The following TBC1D9 variants were observed in gnomAD, a reference collection of about 807,000 sequenced individuals.
TBC1D9 encodes TBC1 domain family member 9A.
A neutral mutation model predicts 132.0 loss-of-function variants in TBC1D9; 63 were observed. The ratio of observed to expected loss-of-function variants is 0.48; its 90% CI spans 0.39 to 0.59. The LOEUF is 0.59. Ranked by LOEUF, TBC1D9 falls within the 20% of genes least tolerant of loss-of-function variation. The pLI is 0.00. For missense variants in TBC1D9, 1,261 were observed against 1,592.7 expected, an observed-to-expected ratio of 0.79 and a Z score of 3.54; for synonymous variants, 610 against 609.9, an observed-to-expected ratio of 1.00 and a Z score of 0.00.
intron 13 of TBC1D9, among the ~76,000 whole-genome samples, chr4:140,650,247 T>C (rs1380146892): frequency 1.3e-5 from 2 of 152,268 alleles, no homozygotes; most frequent in Non-Finnish European, 2.9e-5. Context: ...GCCAGTAGGC[T>C]AGAAAGTCCA....
intron 13 of TBC1D9, among the ~76,000 whole-genome samples, chr4:140,656,808 G>A (rs1737278258): frequency 6.6e-6 from 1 of 152,156 alleles, no homozygotes; most frequent in Non-Finnish European, 1.5e-5. Flanking sequence ...ATGGATTAAT[G>A]GCACTATAAA....
intron 1 of TBC1D9, among the ~76,000 whole-genome samples, chr4:140,740,806 A>G (rs911671517): frequency 1.3e-5 from 2 of 152,196 alleles, no homozygotes; most frequent in Admixed American, 1.3e-4. Flanking sequence ...ATTTCATCCA[A>G]ATGAAAGTTC....
In TBC1D9 at chr4:140,657,819, C is replaced by T. The variant is rs781182148; in HGVS notation, c.1922-7G>A. ...CCTTGGTCCACCAGTGCACCTGTGGCAGCGATGTATACAAAAAGGCGCAGC... is the reference window on the plus strand; with the variant it reads ...CCTTGGTCCACCAGTGCACCTGTGGTAGCGATGTATACAAAAAGGCGCAGC... On this transcript the variant is annotated splice_polypyrimidine_tract_variant and splice_region_variant and intron_variant, in intron 11 of 20. Transcript: ENST00000442267. The T allele has an allele frequency of 5.6e-6, 9 of 1,606,928 alleles. No homozygotes were observed. Among genetic ancestry groups the T allele is most frequent in the South Asian group, 1.1e-5 (1 of 89,510 alleles).
chr4:140,688,820 G>C (rs1282579262), intron 2 of TBC1D9, among the ~76,000 whole-genome samples: 2 of 152,050 alleles, frequency 1.3e-5, no homozygotes, highest in Admixed American at 1.3e-4. Flanking sequence ...AAATATTTAG[G>C]GAATGAGTCA....
At chr4:140,712,010 T>C (rs1030953847) in intron 1 of TBC1D9, among the ~76,000 whole-genome samples, 8 of 152,184 alleles carry the variant, frequency 5.3e-5, no homozygotes, top group Admixed American at 1.3e-4. Context: ...CAACCTTTTA[T>C]TTTGGGCTTT....
chr4:140,745,909 A>G (rs528431432), intron 1 of TBC1D9, among the ~76,000 whole-genome samples: 3 of 152,186 alleles, frequency 2.0e-5, no homozygotes, highest in African/African-American at 7.2e-5. Flanking sequence ...GGCTTCATGA[A>G]TATCACTTTG....
chr4:140,628,870 CTAAG>C (rs775271689), intron 16 of TBC1D9, among the ~76,000 whole-genome samples: 2 of 152,160 alleles, frequency 1.3e-5, no homozygotes, highest in Non-Finnish European at 2.9e-5. Context: ...TTTTGAGCTC[CTAAG>C]TATTTCCTTA....
At chr4:140,678,890 A>G in intron 5 of TBC1D9, 52 bp downstream of exon 5, 1 of 1,578,752 alleles carries the variant, frequency 6.3e-7, no homozygotes, top group Non-Finnish European at 8.6e-7. Flanking sequence ...TAAATGAATG[A>G]GTGAGTTTCT....
At chr4:140,624,509 A>C in intron 18 of TBC1D9, 121 bp from the exon 19 acceptor site, 1 of 767,600 alleles carries the variant, frequency 1.3e-6, no homozygotes, top group Non-Finnish European at 2.0e-6. Context: ...GCAAACAAAC[A>C]AACAAAAAAA....
chr4:140,741,933 C>A (rs1270998951), intron 1 of TBC1D9, among the ~76,000 whole-genome samples: 1 of 152,144 alleles, frequency 6.6e-6, no homozygotes, highest in African/African-American at 2.4e-5. Context: ...GACCTGGAAG[C>A]CCCCTCCCTT....
At chr4:140,701,303 G>T (rs1257113224) in intron 2 of TBC1D9, among the ~76,000 whole-genome samples, 1 of 152,192 alleles carries the variant, frequency 6.6e-6, no homozygotes, top group East Asian at 1.9e-4. Context: ...ATCCCAACAC[G>T]ACTCTATCAG....
intron 2 of TBC1D9, among the ~76,000 whole-genome samples, chr4:140,688,864 C>G (rs1448283928): frequency 6.6e-6 from 1 of 152,160 alleles, no homozygotes; most frequent in Non-Finnish European, 1.5e-5. Context: ...ATATTTTAAA[C>G]TTAAAAATTT....
chr4:140,667,174 C>T (rs919152540), intron 9 of TBC1D9, among the ~76,000 whole-genome samples: 11 of 152,286 alleles, frequency 7.2e-5, no homozygotes, highest in Middle Eastern at 3.4e-3. Context: ...GGCCTTCAGG[C>T]GAACCCCATT....
At chr4:140,732,946 A>C (rs1738617332) in intron 1 of TBC1D9, among the ~76,000 whole-genome samples, 1 of 152,212 alleles carries the variant, frequency 6.6e-6, no homozygotes, top group East Asian at 1.9e-4. Flanking sequence ...ATAGCTTCTG[A>C]CTACTGATTT....
intron 13 of TBC1D9, among the ~76,000 whole-genome samples, chr4:140,652,414 G>C (rs1479896310): frequency 1.3e-5 from 2 of 152,082 alleles, no homozygotes; most frequent in Non-Finnish European, 2.9e-5. Flanking sequence ...TGTACTTCAA[G>C]AAGAATGCTC....
rs573999480 is a variant in TBC1D9, at chr4:140,669,017, A to G, written c.1488T>C (p.Tyr496=). 9.9e-6 allele frequency: 16 copies of G among 1,614,022 alleles called. No homozygotes were observed. In the African/African-American group the frequency reaches 1.1e-4, roughly 11 times the overall value. ...EQAWKIHFAE[Y]GQGICMYRTE... ...TGCGGTACATGCAGATCCCTTGCCC[A>G]TACTCAGCAAAGTGAATCTTCCAGG... Residue 496 remains tyrosine, a synonymous_variant, in exon 9 of 21, where the codon TAT becomes TAC. Coordinates refer to ENST00000442267, the MANE Select transcript of TBC1D9 (RefSeq NM_015130.3).
In TBC1D9 at chr4:140,679,179, T is replaced by A. The variant is rs1737669071; in HGVS notation, c.614A>T (p.Asp205Val). The A allele has an allele frequency of 6.2e-7, 1 of 1,613,636 alleles. No homozygotes were observed. Among genetic ancestry groups the A allele is most frequent in the African/African-American group, 1.3e-5 (1 of 75,010 alleles). ...REAKLVIRWV[D>V]ITQLEKNATL... ...GGCATTCTTCTCAAGCTGAGTGATGTCTACCCACCGGATGACCAGTTTCGC... is the reference window on the plus strand; with the variant it reads ...GGCATTCTTCTCAAGCTGAGTGATGACTACCCACCGGATGACCAGTTTCGC... The change falls in exon 5 of 21, where the codon GAC becomes GTC. Residue 205 changes from aspartate to valine, a missense_variant. Physicochemically the swap from Asp to Val is radical, Grantham distance 152. Transcript: ENST00000442267.
chr4:140,622,568 T>C lies in TBC1D9; in HGVS notation c.3428A>G (p.Asn1143Ser). Residue 1143 changes from asparagine (N) to serine (S), a missense_variant, in exon 21 of 21, where the codon AAC becomes AGC. Asn to Ser is a conservative substitution (Grantham distance 46, BLOSUM62 1). Coordinates refer to ENST00000442267, the MANE Select transcript of TBC1D9 (RefSeq NM_015130.3). The stretch of plus-strand genomic sequence containing the variant: ...GATCAGCATGGAGGAGCAGGCCCCG[T>C]TGTCCCGGGGCGAGGAGTCCTCCAG... ...IKLEDSSPRD[N>S]GACSSMLISD... The C allele has an allele frequency of 1.2e-6, 2 of 1,614,026 alleles. No homozygotes were observed. The highest frequency in any genetic ancestry group is 1.7e-6 in the Non-Finnish European group (2 of 1,179,896).
chr4:140,697,942 G>A (rs1195174075), intron 2 of TBC1D9, among the ~76,000 whole-genome samples: 2 of 152,198 alleles, frequency 1.3e-5, no homozygotes, highest in Admixed American at 6.5e-5. Flanking sequence ...TGCCTGCAAA[G>A]GATCTCGCAG....
Sources: allele counts gnomAD v4.1 joint callset (sites outside exome capture counted in the v4.1 genomes callset), GRCh38; gene constraint gnomAD v4.1.1; transcripts MANE v1.5; gene names NCBI Gene and HGNC (gene_info 2026-07-23, HGNC 2026-07-21).